Variants in KIAA1671 observed in about 807,000 individuals in gnomAD.
KIAA1671 encodes the protein uncharacterized protein KIAA1671.
A neutral mutation model predicts 131.2 loss-of-function variants in KIAA1671; 52 were observed. The ratio of observed to expected loss-of-function variants is 0.40; its 90% CI spans 0.32 to 0.50. The LOEUF is 0.50. Among genes scored for constraint, KIAA1671 ranks in the 20% least tolerant of loss-of-function variants. The pLI, the probability that KIAA1671 is intolerant of heterozygous loss-of-function variation, is 0.73. For missense variants in KIAA1671, 2,360 were observed against 2,364.2 expected, an observed-to-expected ratio of 1.00 and a Z score of 0.04; for synonymous variants, 1,003 against 961.6, an observed-to-expected ratio of 1.04 and a Z score of -0.80.
chr22:25,128,425 G>A (rs1932281153), intron 6 of KIAA1671, among the ~76,000 whole-genome samples: 1 of 152,216 alleles, frequency 6.6e-6, no homozygotes, highest in African/African-American at 2.4e-5. Flanking sequence ...CAGCAGAGCT[G>A]TGCTATCTTG....
At chr22:25,109,398 G>T (rs566948028) in intron 6 of KIAA1671, among the ~76,000 whole-genome samples, 3 of 152,012 alleles carry the variant, frequency 2.0e-5, no homozygotes, top group Non-Finnish European at 2.9e-5. Context: ...ATGAGCCGCC[G>T]CACCTGGCCC....
At chr22:25,131,142 C>CA (rs1601341929) in intron 6 of KIAA1671, among the ~76,000 whole-genome samples, 1 of 152,208 alleles carries the variant, frequency 6.6e-6, no homozygotes, top group Non-Finnish European at 1.5e-5. Context: ...GCTTCCAACT[C>CA]AGAGTTCTTA....
chr22:25,107,568 A>G (rs1931084116), intron 6 of KIAA1671, among the ~76,000 whole-genome samples: 1 of 131,260 alleles, frequency 7.6e-6, no homozygotes, highest in Admixed American at 9.2e-5. Flanking sequence ...TTAACTTCCC[A>G]GGCTGAAGCA....
intron 1 of KIAA1671, among the ~76,000 whole-genome samples, chr22:24,957,759 C>A (rs759881576): frequency 6.8e-6 from 1 of 146,616 alleles, no homozygotes; most frequent in Non-Finnish European, 1.5e-5. Flanking sequence ...CTTACTGCAG[C>A]CTCCACCTCC....
intron 6 of KIAA1671, among the ~76,000 whole-genome samples, chr22:25,133,657 C>T (rs1302254227): frequency 3.3e-5 from 5 of 152,200 alleles, no homozygotes; most frequent in Non-Finnish European, 7.3e-5. Flanking sequence ...ACCCTCCTGC[C>T]TCAGCTTCCC....
chr22:25,082,414 G>A (rs1929459944), intron 6 of KIAA1671, among the ~76,000 whole-genome samples: 1 of 152,160 alleles, frequency 6.6e-6, no homozygotes, highest in African/African-American at 2.4e-5. Flanking sequence ...GGAGATTTGA[G>A]GGTGTCATTG....
intron 6 of KIAA1671, among the ~76,000 whole-genome samples, chr22:25,121,461 CAAAAAAA>C (rs374457851): frequency 4.9e-5 from 3 of 61,336 alleles, no homozygotes; most frequent in Non-Finnish European, 1.0e-4. Flanking sequence ...GACTCCATCT[CAAAAAAA>C]AAAAAAAAAA....
At chr22:25,032,151 A>T (rs1388079883) in intron 3 of KIAA1671, among the ~76,000 whole-genome samples, 2 of 152,228 alleles carry the variant, frequency 1.3e-5, no homozygotes, top group Non-Finnish European at 1.5e-5. Flanking sequence ...GGCTGCTCTG[A>T]GGTGGGGCTG....
intron 5 of KIAA1671, among the ~76,000 whole-genome samples, chr22:25,046,971 GTTTT>G (rs151333876): frequency 1.6e-5 from 2 of 125,602 alleles, no homozygotes; most frequent in Non-Finnish European, 1.6e-5. Flanking sequence ...TGTCTTGAGA[GTTTT>G]TTTTTTTTTT....
At chr22:25,059,725 A>G (rs960766049) in intron 6 of KIAA1671, 1 of 152,250 alleles carries the variant, frequency 6.6e-6, no homozygotes, top group African/African-American at 2.4e-5. Context: ...ACCAGTCTGC[A>G]CAAGGCCGGG....
chr22:25,057,453 G>A (rs931407961), intron 6 of KIAA1671: 1 of 152,222 alleles, frequency 6.6e-6, no homozygotes, highest in Non-Finnish European at 1.5e-5. Flanking sequence ...TGGCGTGCGC[G>A]CGTCCCCTGG....
intron 6 of KIAA1671, among the ~76,000 whole-genome samples, chr22:25,093,856 C>T (rs13058678): frequency 2.9e-4 from 31 of 107,110 alleles, no homozygotes; most frequent in Middle Eastern, 4.2e-3. Context: ...CTCTCTCTCT[C>T]TCTCTCTCTC....
At chr22:25,135,712 G>A (rs1932646619) in intron 6 of KIAA1671, among the ~76,000 whole-genome samples, 1 of 152,208 alleles carries the variant, frequency 6.6e-6, no homozygotes, top group African/African-American at 2.4e-5. Flanking sequence ...TGGCTGTCTG[G>A]TGGGTGTCAG....
chr22:25,166,690 C>T (rs1281649033), intron 6 of KIAA1671, among the ~76,000 whole-genome samples: 1 of 152,220 alleles, frequency 6.6e-6, no homozygotes, highest in African/African-American at 2.4e-5. Context: ...GTGAGCTTAA[C>T]ACTTTCTGAA....
At chr22:25,074,603 A>G (rs1054065847) in intron 6 of KIAA1671, among the ~76,000 whole-genome samples, 4 of 148,114 alleles carry the variant, frequency 2.7e-5, no homozygotes, top group Non-Finnish European at 5.9e-5. Flanking sequence ...GTATATATAT[A>G]TATGGAAACA....
chr22:25,184,584 G>A (rs1015976759), intron 10 of KIAA1671, among the ~76,000 whole-genome samples: 4 of 152,246 alleles, frequency 2.6e-5, no homozygotes, highest in Middle Eastern at 3.4e-3. Flanking sequence ...ATAGACTGTC[G>A]AAAACTTCAT....
At chr22:25,172,417 C>T (rs1464409384) in intron 7 of KIAA1671, among the ~76,000 whole-genome samples, 1 of 152,200 alleles carries the variant, frequency 6.6e-6, no homozygotes, top group African/African-American at 2.4e-5. Context: ...TACCTTCATC[C>T]CGTGTGGATT....
chr22:25,051,621 G>C (rs1927539175), intron 6 of KIAA1671: 1 of 151,172 alleles, frequency 6.6e-6, no homozygotes, highest in South Asian at 2.1e-4. Context: ...CCTCTCCTCT[G>C]CTTTTTTTCT....
At chr22:25,014,824 CTTTGGGTA>C (rs1239006969) in intron 1 of KIAA1671, 1 of 152,126 alleles carries the variant, frequency 6.6e-6, no homozygotes, top group East Asian at 1.9e-4. Flanking sequence ...ACTGTAAGAG[CTTTGGGTA>C]TTTGAAAGAG....
Sources: gnomAD v4.1 joint callset for allele counts (sites outside exome capture counted in the v4.1 genomes callset) on GRCh38, gnomAD v4.1.1 for gene constraint, MANE v1.5 for transcripts, NCBI Gene and HGNC (gene_info 2026-07-23, HGNC 2026-07-21) for gene names.